The following RAD51B variants were observed in gnomAD, a reference collection of about 807,000 sequenced individuals.
RAD51B encodes the protein DNA repair protein RAD51 homolog 2.
RAD51B carries 38 observed loss-of-function variants against 42.2 expected under a neutral mutation model. That is an observed-to-expected ratio of 0.90 (90% confidence interval 0.70 to 1.18). The LOEUF (loss-of-function observed/expected upper bound fraction) is 1.18, where lower values mean the gene tolerates loss of function less well. Ranked by LOEUF, RAD51B falls within the 50% of genes most tolerant of loss-of-function variation. The pLI, the probability that RAD51B is intolerant of heterozygous loss-of-function variation, is 0.00. For synonymous variants in RAD51B, 154 were observed against 145.2 expected, an observed-to-expected ratio of 1.06 and a Z score of -0.43; for missense variants, 373 against 400.7, an observed-to-expected ratio of 0.93 and a Z score of 0.59.
At chr14:68,355,271 G>GTGGTAGGTTA (rs2082877211) in intron 8 of RAD51B, among the ~76,000 whole-genome samples, 2 of 152,180 alleles carry the variant, frequency 1.3e-5, no homozygotes, top group African/African-American at 4.8e-5. Flanking sequence ...ATTTTATTGA[G>GTGGTAGGTTA]TGGTAGGTTA....
downstream of RAD51B, among the ~76,000 whole-genome samples, chr14:68,612,686 G>T (rs1015425588): frequency 6.6e-6 from 1 of 152,142 alleles, no homozygotes; most frequent in African/African-American, 2.4e-5. Context: ...AAGTTGTGGA[G>T]ATAGATAATG....
intron 9 of RAD51B, among the ~76,000 whole-genome samples, chr14:68,430,811 G>A (rs1219064774): frequency 6.6e-6 from 1 of 151,932 alleles, no homozygotes; most frequent in Non-Finnish European, 1.5e-5. Flanking sequence ...GTGAGAGAGG[G>A]CATCCCTGTC....
chr14:67,997,976 A>G (rs1227491455), intron 7 of RAD51B, among the ~76,000 whole-genome samples: 1 of 152,152 alleles, frequency 6.6e-6, no homozygotes, highest in Non-Finnish European at 1.5e-5. Flanking sequence ...TCTTCTAGGA[A>G]GTAGTTTGAG....
chr14:67,961,813 T>G (rs2074674080), intron 7 of RAD51B, among the ~76,000 whole-genome samples: 1 of 152,216 alleles, frequency 6.6e-6, no homozygotes, highest in African/African-American at 2.4e-5. Context: ...GTAAACATAT[T>G]ATGTTCACTA....
intron 9 of RAD51B, among the ~76,000 whole-genome samples, chr14:68,457,478 A>G (rs991217911): frequency 6.6e-6 from 1 of 152,218 alleles, no homozygotes; most frequent in Non-Finnish European, 1.5e-5. Context: ...ACCTAAATAA[A>G]GCTGATATTA....
intron 3 of RAD51B, among the ~76,000 whole-genome samples, chr14:67,830,698 C>A (rs2140289563): frequency 6.6e-6 from 1 of 152,020 alleles, no homozygotes; most frequent in South Asian, 2.1e-4. Flanking sequence ...CTGTGCTGAG[C>A]CTAGGAGAGA....
intron 7 of RAD51B, among the ~76,000 whole-genome samples, chr14:68,013,770 A>G (rs2075728124): frequency 6.6e-6 from 1 of 152,228 alleles, no homozygotes; most frequent in East Asian, 1.9e-4. Context: ...GCATCATATT[A>G]GAATAGACTT....
At chr14:68,059,736 T>C (rs181699433) in intron 7 of RAD51B, among the ~76,000 whole-genome samples, 10 of 152,338 alleles carry the variant, frequency 6.6e-5, no homozygotes, top group Non-Finnish European at 7.4e-5. Flanking sequence ...TGTATTTTAG[T>C]TGTACATGTC....
At chr14:67,905,989 T>G (rs2043769564) in intron 7 of RAD51B, among the ~76,000 whole-genome samples, 1 of 152,146 alleles carries the variant, frequency 6.6e-6, no homozygotes. Flanking sequence ...TCAAGGGGAA[T>G]GCTTCAAGCT....
chr14:68,458,491 T>A (rs1467071219), intron 9 of RAD51B, among the ~76,000 whole-genome samples: 1 of 152,124 alleles, frequency 6.6e-6, no homozygotes, highest in East Asian at 1.9e-4. Flanking sequence ...CTAGCTCTTT[T>A]CTAGGCAATA....
intron 10 of RAD51B, among the ~76,000 whole-genome samples, chr14:68,623,779 A>C (rs1226685633): frequency 5.3e-5 from 8 of 152,236 alleles, no homozygotes; most frequent in Admixed American, 4.6e-4. Context: ...TGATGGATAA[A>C]CCAGTAGGGC....
intron 7 of RAD51B, among the ~76,000 whole-genome samples, chr14:68,084,862 G>A (rs1246213417): frequency 2.0e-5 from 3 of 152,144 alleles, no homozygotes; most frequent in Admixed American, 6.5e-5. Flanking sequence ...AAAAAAATCC[G>A]TGGATAATAA....
intron 7 of RAD51B, among the ~76,000 whole-genome samples, chr14:68,267,145 AG>A (rs1333463023): frequency 1.3e-5 from 2 of 152,186 alleles, no homozygotes; most frequent in Non-Finnish European, 2.9e-5. Flanking sequence ...CAACTCGAAA[AG>A]GGGAAGAGTA....
intron 8 of RAD51B, among the ~76,000 whole-genome samples, chr14:68,387,661 A>G (rs2083626894): frequency 6.6e-6 from 1 of 152,196 alleles, no homozygotes; most frequent in Admixed American, 6.5e-5. Context: ...TATAGAAACT[A>G]AGGACTGGGA....
chr14:68,491,327 G>T (rs1428160604), intron 10 of RAD51B, among the ~76,000 whole-genome samples: 4 of 152,196 alleles, frequency 2.6e-5, no homozygotes, highest in Non-Finnish European at 5.9e-5. Context: ...TGAGGCATAA[G>T]GTAAGGAAGG....
intron 7 of RAD51B, among the ~76,000 whole-genome samples, chr14:68,233,767 G>A (rs1452357387): frequency 6.6e-6 from 1 of 152,128 alleles, no homozygotes. Flanking sequence ...TCAATACAGG[G>A]AACAGCATGT....
At chr14:68,598,108 G>C (rs749910775), downstream of RAD51B, among the ~76,000 whole-genome samples, 2 of 152,118 alleles carry the variant, frequency 1.3e-5, no homozygotes, top group African/African-American at 2.4e-5. Context: ...AGAAGAGAAA[G>C]CTACTTCTAC....
intron 7 of RAD51B, among the ~76,000 whole-genome samples, chr14:68,171,634 A>C (rs1345755629): frequency 6.6e-6 from 1 of 151,924 alleles, no homozygotes; most frequent in East Asian, 1.9e-4. Flanking sequence ...TAATTTTATT[A>C]GTTTCTAAAG....
chr14:68,350,377 A>G (rs967230522), intron 8 of RAD51B, among the ~76,000 whole-genome samples: 23 of 152,220 alleles, frequency 1.5e-4, no homozygotes, highest in African/African-American at 5.5e-4. Context: ...TTTGACTTTC[A>G]TGCTTACTTG....
Sources: allele counts gnomAD v4.1 joint callset (sites outside exome capture counted in the v4.1 genomes callset), GRCh38; gene constraint gnomAD v4.1.1; transcripts MANE v1.5; gene names NCBI Gene and HGNC (gene_info 2026-07-23, HGNC 2026-07-21).